The following TEX9 variants were observed in gnomAD, a reference collection of about 807,000 sequenced individuals.
The protein encoded by TEX9 is testis-expressed protein 9.
In TEX9, 74 loss-of-function variants were observed where a neutral mutation model predicts 59.6. That is an observed-to-expected ratio of 1.24 (90% CI 1.03 to 1.51). TEX9 has a LOEUF of 1.51. TEX9 is among the 40% of genes most tolerant of loss of function. The pLI, the probability that TEX9 is intolerant of heterozygous loss-of-function variation, is 0.00. For missense variants in TEX9, 522 were observed against 447.8 expected, an observed-to-expected ratio of 1.17 and a Z score of -1.49; for synonymous variants, 186 against 152.2, an observed-to-expected ratio of 1.22 and a Z score of -1.64.
chr15:56,438,834 A>G (rs1370278254), intron 12 of TEX9, among the ~76,000 whole-genome samples: 2 of 152,222 alleles, frequency 1.3e-5, no homozygotes, highest in African/African-American at 4.8e-5. Flanking sequence ...GGCGAAGGAT[A>G]TGAATAGACA....
rs940655655 is a variant in TEX9, at chr15:56,418,761, G to A, written c.963+6325G>A. ...ATGAAGCAACACCTAGATAATTATC[G>A]AATTTAGATAATCTATCAAAGCTAA... On this transcript the variant is annotated intron_variant, in intron 10 of 12. Transcript: ENST00000352903. 2.6e-4 allele frequency among the ~76,000 whole-genome samples: 39 copies of A among 151,868 alleles called. 1 individual carries two copies. The highest frequency in any genetic ancestry group is 5.6e-4 in the African/African-American group (23 of 41,220).
chr15:56,389,605 ATTG>A lies in TEX9; in HGVS notation c.395+208_395+210del, dbSNP rs1201019635. ...TTGCAGCAGTTAACAAATATTTTAT[ATTG>A]TTCTCTTAAGCAAAATTGCTAAATC... On this transcript the variant is annotated intron_variant, in intron 6 of 12. Coordinates refer to ENST00000352903, the Ensembl canonical transcript of TEX9. Among the ~76,000 whole-genome samples the A allele has an allele frequency of 5.9e-5, 9 of 152,008 alleles. No individual in the cohort carries two copies. The East Asian group carries it at 1.7e-3, about 29-fold the overall frequency.
At chr15:56,327,515 C>CA (rs1174555690) in intron 1 of TEX9, among the ~76,000 whole-genome samples, 2 of 152,118 alleles carry the variant, frequency 1.3e-5, no homozygotes, top group African/African-American at 2.4e-5. Context: ...TATCTACACA[C>CA]AAAAAACACC....
chr15:56,245,820 C>T (rs1225129409), intron 1 of TEX9, among the ~76,000 whole-genome samples: 1 of 152,246 alleles, frequency 6.6e-6, no homozygotes, highest in Non-Finnish European at 1.5e-5. Flanking sequence ...AGCCTGCAAG[C>T]TATGCTGAAA....
At chr15:56,453,830 G>T in the TEX9 span, among the ~76,000 whole-genome samples, 1 of 152,056 alleles carries the variant, frequency 6.6e-6, no homozygotes, top group African/African-American at 2.4e-5. Flanking sequence ...TGAGCTCAAA[G>T]AAATATTTTC....
At chr15:56,431,208 C>G (rs1394921502) in intron 12 of TEX9, among the ~76,000 whole-genome samples, 1 of 152,160 alleles carries the variant, frequency 6.6e-6, no homozygotes, top group East Asian at 1.9e-4. Context: ...TTTAGATATA[C>G]TGAAATGGGC....
chr15:56,423,693 C>T (rs1484846273), intron 10 of TEX9, among the ~76,000 whole-genome samples: 2 of 152,150 alleles, frequency 1.3e-5, no homozygotes, highest in African/African-American at 4.8e-5. Flanking sequence ...CAACACCCTG[C>T]ACCACATTCT....
At chr15:56,288,548 T>C (rs1423221060) in intron 1 of TEX9, among the ~76,000 whole-genome samples, 1 of 152,162 alleles carries the variant, frequency 6.6e-6, no homozygotes, top group Non-Finnish European at 1.5e-5. Context: ...TTCAGCACTT[T>C]GAATATATTT....
intron 12 of TEX9, chr15:56,444,511 C>T: frequency 1.2e-6 from 2 of 1,612,024 alleles, no homozygotes; most frequent in Non-Finnish European, 1.7e-6. Context: ...AGCAGCTGCT[C>T]ATAAGCTTCC....
intron 12 of TEX9, 93 bp downstream of exon 12, chr15:56,430,247 C>A (rs2050544829): frequency 6.6e-6 from 1 of 152,268 alleles, no homozygotes; most frequent in African/African-American, 2.4e-5. Context: ...CACTCTGTTG[C>A]CCAGGCTGGA....
intron 1 of TEX9, among the ~76,000 whole-genome samples, chr15:56,321,226 T>A (rs1282389141): frequency 6.6e-6 from 1 of 152,130 alleles, no homozygotes; most frequent in African/African-American, 2.4e-5. Context: ...AAGTTTGACT[T>A]TGACATTTAA....
chr15:56,392,180 G>A (rs576248612), intron 7 of TEX9, among the ~76,000 whole-genome samples: 25 of 152,268 alleles, frequency 1.6e-4, no homozygotes, highest in Admixed American at 7.9e-4. Flanking sequence ...TTAAGTTTAT[G>A]TATTAGTCTG....
At chr15:56,362,592 A>G (rs2141926135), upstream of TEX9, among the ~76,000 whole-genome samples, 1 of 152,332 alleles carries the variant, frequency 6.6e-6, no homozygotes, top group Middle Eastern at 3.4e-3. Context: ...ACCCATATAA[A>G]GTGTACTATT....
Position 56,296,662 on chromosome 15 carries a change from G to A in TEX9, c.-107+52384G>A, listed in dbSNP as rs77907613. ...GTCTGTATTGGGAAAAGCAGAGTTT[G>A]AGTAATTCAAAAGTAATTTATATTT... On this transcript the variant is annotated intron_variant, in intron 1 of 5. Coordinates refer to the TEX9 transcript ENST00000560827. 6.9e-3 allele frequency among the ~76,000 whole-genome samples: 1,048 copies of A among 152,264 alleles called. 19 individuals are homozygous for A. Among genetic ancestry groups the A allele is most frequent in the African/African-American group, 0.023 (967 of 41,544 alleles).
chr15:56,369,045 A>T (rs985594511), intron 2 of TEX9, among the ~76,000 whole-genome samples: 6 of 152,076 alleles, frequency 3.9e-5, no homozygotes, highest in Non-Finnish European at 7.4e-5. Flanking sequence ...CTGTAGGTTA[A>T]CTATATTCCA....
chr15:56,246,911 A>C (rs763788159), intron 1 of TEX9, among the ~76,000 whole-genome samples: 1 of 152,206 alleles, frequency 6.6e-6, no homozygotes, highest in Admixed American at 6.5e-5. Flanking sequence ...GAGGGTTGCT[A>C]TAAGGAAAAC....
At chr15:56,361,928 C>G (rs1177725149), upstream of TEX9, among the ~76,000 whole-genome samples, 1 of 146,908 alleles carries the variant, frequency 6.8e-6, no homozygotes, top group Non-Finnish European at 1.5e-5. Context: ...ATACTTCTAG[C>G]CTGGTTTTGG....
intron 2 of TEX9, among the ~76,000 whole-genome samples, chr15:56,368,299 CT>C (rs1462286411): frequency 6.6e-6 from 1 of 151,980 alleles, no homozygotes; most frequent in African/African-American, 2.4e-5. Context: ...TCTTGTTTTC[CT>C]TTAAAGACTG....
In TEX9 at chr15:56,401,323, A is replaced by C. The variant is rs866530366; in HGVS notation, c.828+6489A>C. Among the ~76,000 whole-genome samples the C allele has an allele frequency of 2.6e-3, 395 of 150,062 alleles. 9 individuals carry two copies. Among genetic ancestry groups the C allele is most frequent in the African/African-American group, 9.3e-3 (380 of 41,052 alleles). On this transcript the variant is annotated intron_variant, in intron 9 of 12. Transcript: ENST00000352903. ...AAATTGAAAGCAAAAAAAAAAAAAA[A>C]AAAAAAAAACAGGGGTTGCAATCCT...
Sources: allele counts gnomAD v4.1 joint callset (sites outside exome capture counted in the v4.1 genomes callset), GRCh38; gene constraint gnomAD v4.1.1; transcripts MANE v1.5; gene names NCBI Gene and HGNC (gene_info 2026-07-23, HGNC 2026-07-21).